The following ACSF2 variants were observed in gnomAD, a reference collection of about 807,000 sequenced individuals.
The protein encoded by ACSF2 is acyl-CoA synthetase family member 2.
Under a neutral mutation model 79.3 loss-of-function variants are expected in ACSF2, and 52 were observed. That is an observed-to-expected ratio of 0.66 (90% CI 0.53 to 0.83). ACSF2 has a LOEUF of 0.83. Ranked by LOEUF, ACSF2 falls within the 40% of genes least tolerant of loss-of-function variation. The pLI is 0.00. For synonymous variants in ACSF2, 283 were observed against 312.6 expected, an observed-to-expected ratio of 0.91 and a Z score of 1.00; for missense variants, 661 against 803.3, an observed-to-expected ratio of 0.82 and a Z score of 2.14.
chr17:50,466,274 A>G (rs1221527590), intron 10 of ACSF2, among the ~76,000 whole-genome samples: 1 of 151,340 alleles, frequency 6.6e-6, no homozygotes, highest in East Asian at 1.9e-4. Flanking sequence ...TTTTTTTAGT[A>G]GAGACGCAGT....
intron 2 of ACSF2, 104 bp from the exon 3 acceptor site, chr17:50,461,138 C>T: frequency 1.3e-6 from 2 of 1,533,296 alleles, no homozygotes; most frequent in Non-Finnish European, 1.8e-6. Flanking sequence ...CCCTTTGTCC[C>T]CAGTGACTGT....
At chr17:50,468,921 A>C in intron 10 of ACSF2, 1 of 1,407,716 alleles carries the variant, frequency 7.1e-7, no homozygotes, top group African/African-American at 1.5e-5. Flanking sequence ...GGTGGCCCTG[A>C]CCGCAGCCGG....
At chr17:50,440,836 C>T (rs914631830) in intron 1 of ACSF2, among the ~76,000 whole-genome samples, 1 of 152,216 alleles carries the variant, frequency 6.6e-6, no homozygotes, top group African/African-American at 2.4e-5. Context: ...GGGTTGGTGC[C>T]AGGAGAGGTG....
At chr17:50,452,185 C>T (rs2031718906) in intron 1 of ACSF2, among the ~76,000 whole-genome samples, 1 of 152,188 alleles carries the variant, frequency 6.6e-6, no homozygotes, top group Non-Finnish European at 1.5e-5. Context: ...GGTTTTACAA[C>T]ACCCATGCTA....
chr17:50,471,093 G>T lies in ACSF2; in HGVS notation c.1281G>T (p.Glu427Asp), dbSNP rs751269419. ...CGCACTTCCCTGAGGACACTGTGGA[G>T]CAGAAGGCAGAAAGCGTGGGCAGAA... The part of the protein sequence containing the change: ...TFAHFPEDTV[E>D]QKAESVGRIM... Residue 427 changes from glutamate (E) to aspartate (D), a missense_variant, in exon 11 of 16, where the codon GAG (glutamate) becomes GAT (aspartate). Coordinates refer to ENST00000300441, the MANE Select transcript of ACSF2 (RefSeq NM_025149.6). This position sits in a 1 kb window ranked among gnomAD's most constrained non-coding sequence, Gnocchi z 4.1. The T allele has an allele frequency of 8.1e-6, 13 of 1,613,968 alleles. No homozygotes were observed. In the South Asian group the frequency reaches 1.1e-4, roughly 14 times the overall value.
chr17:50,432,604 T>C (rs9912065), intron 1 of ACSF2, among the ~76,000 whole-genome samples: 89,619 of 152,108 alleles, frequency 0.59, 27,457 homozygotes, highest in African/African-American at 0.74. Flanking sequence ...ATGGGACTGT[T>C]CTAATAACGA....
intron 1 of ACSF2, among the ~76,000 whole-genome samples, chr17:50,445,932 T>G (rs1011246620): frequency 3.9e-5 from 6 of 152,198 alleles, no homozygotes; most frequent in African/African-American, 1.4e-4. Flanking sequence ...CTGTAGAACA[T>G]GCATCCACAT....
chr17:50,445,092 T>C (rs1324776835), intron 1 of ACSF2, among the ~76,000 whole-genome samples: 1 of 152,070 alleles, frequency 6.6e-6, no homozygotes, highest in East Asian at 1.9e-4. Context: ...TTTTTAAATT[T>C]TTTATAGAGA....
intron 3 of ACSF2, 114 bp from the exon 4 acceptor site, chr17:50,461,519 C>A: frequency 6.3e-7 from 1 of 1,588,006 alleles, no homozygotes; most frequent in Non-Finnish European, 8.6e-7. Context: ...CCAAGGAGGT[C>A]TCTGGGAGTT....
chr17:50,427,970 C>A (rs1301736787), intron 1 of ACSF2, among the ~76,000 whole-genome samples: 1 of 152,158 alleles, frequency 6.6e-6, no homozygotes, highest in African/African-American at 2.4e-5. Flanking sequence ...TGTGCCTGCA[C>A]CCTTATTGTC....
intron 1 of ACSF2, among the ~76,000 whole-genome samples, chr17:50,438,951 G>A (rs973195859): frequency 2.6e-5 from 4 of 152,170 alleles, no homozygotes; most frequent in Admixed American, 2.6e-4. Flanking sequence ...TGTATCATTT[G>A]ATCTGTTTTT....
At chr17:50,433,015 A>G (rs2143492667) in intron 1 of ACSF2, among the ~76,000 whole-genome samples, 1 of 152,218 alleles carries the variant, frequency 6.6e-6, no homozygotes, top group Middle Eastern at 3.4e-3. Flanking sequence ...CTAACCTGAC[A>G]TTCTGTAATT....
intron 12 of ACSF2, chr17:50,473,335 TG>T: frequency 3.3e-6 from 1 of 300,056 alleles, no homozygotes; most frequent in Non-Finnish European, 6.3e-6. Flanking sequence ...GTGGCTGTGG[TG>T]GGGAGGGGAG....
intron 1 of ACSF2, among the ~76,000 whole-genome samples, chr17:50,452,636 A>G (rs1567848735): frequency 6.6e-6 from 1 of 152,154 alleles, no homozygotes; most frequent in Non-Finnish European, 1.5e-5. Flanking sequence ...TACCTGTGTA[A>G]CAAACCTGCA....
At chr17:50,472,360 A>G in intron 11 of ACSF2, 68 bp from the exon 12 acceptor site, 8 of 1,561,138 alleles carry the variant, frequency 5.1e-6, no homozygotes, top group Non-Finnish European at 6.9e-6. Flanking sequence ...AGCTCTCTCC[A>G]TTTCCAAGGA....
chr17:50,456,663 C>T (rs536709358), intron 1 of ACSF2, among the ~76,000 whole-genome samples: 121 of 151,844 alleles, frequency 8.0e-4, no homozygotes, highest in Non-Finnish European at 1.7e-3. Context: ...ACCCAGGAGG[C>T]GGAGGTTGTG....
chr17:50,466,509 C>T (rs2032740480), intron 10 of ACSF2, among the ~76,000 whole-genome samples: 1 of 152,222 alleles, frequency 6.6e-6, no homozygotes, highest in African/African-American at 2.4e-5. Flanking sequence ...TCCCCTGGCA[C>T]CACAATCCCT....
At chr17:50,432,035 G>A (rs2029974542) in intron 1 of ACSF2, among the ~76,000 whole-genome samples, 1 of 152,010 alleles carries the variant, frequency 6.6e-6, no homozygotes, top group Non-Finnish European at 1.5e-5. Flanking sequence ...CAGTAGCTGG[G>A]ACTACAGGCC....
At chr17:50,433,217 T>C (rs2030100031) in intron 1 of ACSF2, among the ~76,000 whole-genome samples, 1 of 151,826 alleles carries the variant, frequency 6.6e-6, no homozygotes, top group South Asian at 2.1e-4. Flanking sequence ...GCAATTCTCC[T>C]GCCTCAGCCT....
Sources: allele counts gnomAD v4.1 joint callset (sites outside exome capture counted in the v4.1 genomes callset), GRCh38; gene constraint gnomAD v4.1.1; non-coding constraint Gnocchi (gnomAD v3.1); transcripts MANE v1.5; gene names NCBI Gene and HGNC (gene_info 2026-07-23, HGNC 2026-07-21).